The following APBB2 variants were observed in gnomAD, a reference collection of about 807,000 sequenced individuals.
APBB2 encodes the protein Fe65-like 1.
In APBB2, 38 loss-of-function variants were observed where a neutral mutation model predicts 82.5. The observed-to-expected ratio is 0.46, with a 90% CI of 0.36 to 0.60. APBB2 has a LOEUF of 0.60. Among genes scored for constraint, APBB2 ranks in the 20% least tolerant of loss-of-function variants. The pLI, the probability that APBB2 is intolerant of heterozygous loss-of-function variation, is 0.00. For missense variants in APBB2, 772 were observed against 972.3 expected, an observed-to-expected ratio of 0.79 and a Z score of 2.74; for synonymous variants, 341 against 368.2, an observed-to-expected ratio of 0.93 and a Z score of 0.85.
intron 10 of APBB2, among the ~76,000 whole-genome samples, chr4:40,893,742 G>C (rs1772796745): frequency 6.6e-6 from 1 of 152,136 alleles, no homozygotes; most frequent in Non-Finnish European, 1.5e-5. Context: ...GGGAGGCTGA[G>C]GTGGGTGGAT....
chr4:40,864,116 G>A (rs1763464291), intron 12 of APBB2, among the ~76,000 whole-genome samples: 2 of 151,842 alleles, frequency 1.3e-5, no homozygotes, highest in African/African-American at 4.8e-5. Flanking sequence ...TATTAGCTGG[G>A]TGTGGTGGCG....
At chr4:40,859,832 C>T (rs972334071) in intron 12 of APBB2, among the ~76,000 whole-genome samples, 8 of 152,178 alleles carry the variant, frequency 5.3e-5, no homozygotes, top group South Asian at 2.1e-4. Flanking sequence ...TCCTGGAACA[C>T]GCCCAGCTAC....
chr4:41,111,547 T>C (rs1749198941), intron 2 of APBB2, among the ~76,000 whole-genome samples: 1 of 152,212 alleles, frequency 6.6e-6, no homozygotes, highest in Non-Finnish European at 1.5e-5. Flanking sequence ...TTTCACAGAA[T>C]GTTAATGCTA....
At chr4:40,857,845 T>C (rs956429443) in intron 12 of APBB2, among the ~76,000 whole-genome samples, 1 of 152,096 alleles carries the variant, frequency 6.6e-6, no homozygotes, top group Non-Finnish European at 1.5e-5. Flanking sequence ...AAGGGAGGTA[T>C]TGCAGCCCAC....
At chr4:40,855,081 C>T (rs1760742984) in intron 12 of APBB2, among the ~76,000 whole-genome samples, 1 of 152,226 alleles carries the variant, frequency 6.6e-6, no homozygotes, top group Admixed American at 6.5e-5. Context: ...CCTTGGAGTG[C>T]AGATGACCTG....
intron 3 of APBB2, among the ~76,000 whole-genome samples, chr4:41,078,607 C>CT (rs1385182505): frequency 4.6e-5 from 7 of 152,160 alleles, no homozygotes; most frequent in Non-Finnish European, 4.4e-5. Context: ...CTTCACACCT[C>CT]TAGTTTTAGT....
rs1755790939 is a variant in APBB2 at position 40,841,484 on chromosome 4, C to CA, written c.1530-10908dup. ...AGCATTGGAAAAACACAACTGAGGT[C>CA]AAAATCTCTTGTTTCATAGGTATGT... On this transcript the variant is annotated intron_variant, in intron 12 of 17. Transcript: ENST00000508593. 2.0e-5 allele frequency among the ~76,000 whole-genome samples: 3 copies of CA among 152,180 alleles called. No individual in the cohort carries two copies. In the South Asian group the frequency reaches 6.2e-4, roughly 32 times the overall value.
At chr4:41,118,880 C>T (rs1269081924) in intron 2 of APBB2, among the ~76,000 whole-genome samples, 33 of 152,128 alleles carry the variant, frequency 2.2e-4, no homozygotes, top group Admixed American at 2.1e-3. Flanking sequence ...TGGCTCACGC[C>T]TGTAATTCTA....
intron 6 of APBB2, among the ~76,000 whole-genome samples, chr4:40,999,600 A>G (rs1211859245): frequency 1.3e-5 from 2 of 152,202 alleles, no homozygotes; most frequent in Non-Finnish European, 2.9e-5. Flanking sequence ...TATCAATATC[A>G]CCTGAGAGTT....
intron 17 of APBB2, among the ~76,000 whole-genome samples, chr4:40,819,147 T>C (rs1746871713): frequency 6.6e-6 from 1 of 151,420 alleles, no homozygotes; most frequent in African/African-American, 2.4e-5. Context: ...TCTAACTAAT[T>C]CGTAGGCTAA....
At position 40,990,846 on chromosome 4, in the gene APBB2, A is replaced by T. The variant is rs150061524; in HGVS notation, c.835+22737T>A. Among the ~76,000 whole-genome samples the T allele has an allele frequency of 1.3e-3, 200 of 151,864 alleles. 1 individual carries two copies. The highest frequency in any genetic ancestry group is 4.5e-3 in the African/African-American group (188 of 41,388). On this transcript the variant is annotated intron_variant, in intron 6 of 17. Coordinates refer to ENST00000508593, the MANE Select transcript of APBB2 (RefSeq NM_004307.2). Reference sequence around the variant, plus strand: ...TCCTCTTCTGCCAAGCAGAGCAAAGACTCTAGGTTACAGCTCATGAAGGTG... The same window carrying T: ...TCCTCTTCTGCCAAGCAGAGCAAAGTCTCTAGGTTACAGCTCATGAAGGTG...
chr4:41,123,956 G>C (rs1753646495), intron 2 of APBB2, among the ~76,000 whole-genome samples: 2 of 152,230 alleles, frequency 1.3e-5, no homozygotes, highest in African/African-American at 2.4e-5. Flanking sequence ...GTGTGGACTA[G>C]AGTCTCTGTG....
intron 12 of APBB2, among the ~76,000 whole-genome samples, chr4:40,853,212 C>T (rs1239263978): frequency 2.6e-5 from 4 of 152,130 alleles, no homozygotes; most frequent in African/African-American, 9.7e-5. Context: ...TAGGGCTAGC[C>T]AACTGGTCCC....
chr4:40,907,459 C>T (rs1229441113), intron 10 of APBB2, among the ~76,000 whole-genome samples: 1 of 147,120 alleles, frequency 6.8e-6, no homozygotes, highest in Non-Finnish European at 1.5e-5. Flanking sequence ...CAACCTCCGC[C>T]TCCTGAGTTC....
intron 12 of APBB2, among the ~76,000 whole-genome samples, chr4:40,884,972 A>G (rs1769803027): frequency 6.6e-6 from 1 of 152,226 alleles, no homozygotes; most frequent in South Asian, 2.1e-4. Flanking sequence ...ACACAGAAAG[A>G]TTTTATTAAA....
At chr4:41,008,601 C>T (rs1388123925) in intron 6 of APBB2, among the ~76,000 whole-genome samples, 2 of 152,176 alleles carry the variant, frequency 1.3e-5, no homozygotes, top group African/African-American at 4.8e-5. Flanking sequence ...GAAAAGCAAA[C>T]TTTTATAACA....
chr4:41,171,559 C>T (rs1436007656), intron 1 of APBB2, among the ~76,000 whole-genome samples: 3 of 152,216 alleles, frequency 2.0e-5, no homozygotes, highest in African/African-American at 4.8e-5. Flanking sequence ...AGTGACTGTT[C>T]GAGCTGAGTA....
rs1764562022 is a variant in APBB2 at position 41,159,961 on chromosome 4, G to GAGAAGGAGA, written c.-416-16820_-416-16819insTCTCCTTCT. On this transcript the variant is annotated intron_variant, in intron 1 of 17. Transcript: ENST00000508593. The stretch of plus-strand genomic sequence containing the variant: ...GGAGGAGGAGAAGGAGAAGGAGAAG[G>GAGAAGGAGA]AGAAGAAGAAGAAGAAGAAGAAGAA... Among the ~76,000 whole-genome samples the GAGAAGGAGA allele has an allele frequency of 8.1e-4, 26 of 31,980 alleles. 1 individual carries two copies. Among genetic ancestry groups the GAGAAGGAGA allele is most frequent in the African/African-American group, 2.5e-3 (24 of 9,570 alleles). The allele number at this position is 31,980 out of a possible 152,430, so 21.0% of individuals were successfully genotyped here.
At chr4:40,951,767 T>C (rs531993789) in intron 6 of APBB2, among the ~76,000 whole-genome samples, 230 of 152,322 alleles carry the variant, frequency 1.5e-3, no homozygotes, top group Non-Finnish European at 2.3e-3. Context: ...ATCATCACCA[T>C]CACTAGAAAT....
Sources: gnomAD v4.1 joint callset for allele counts (sites outside exome capture counted in the v4.1 genomes callset) on GRCh38, gnomAD v4.1.1 for gene constraint, MANE v1.5 for transcripts, NCBI Gene and HGNC (gene_info 2026-07-23, HGNC 2026-07-21) for gene names.